Variants in MARCHF8 observed in about 807,000 individuals in gnomAD.
The protein encoded by MARCHF8 is E3 ubiquitin-protein ligase MARCHF8.
In MARCHF8, 40 loss-of-function variants were observed where a neutral mutation model predicts 51.6. The observed-to-expected ratio is 0.77, with a 90% CI of 0.60 to 1.01. The LOEUF is 1.01. Among genes scored for constraint, MARCHF8 ranks in the 50% least tolerant of loss-of-function variants. MARCHF8 has a pLI of 0.00. For synonymous variants in MARCHF8, 263 were observed against 280.3 expected (o/e 0.94, Z 0.62); for missense variants, 685 against 708.6 (o/e 0.97, Z 0.38).
chr10:45,482,973 C>A (rs188375981), intron 3 of MARCHF8, among the ~76,000 whole-genome samples: 18 of 152,242 alleles, frequency 1.2e-4, no homozygotes, highest in African/African-American at 4.1e-4. Context: ...TCTCTCTCAT[C>A]GCATACAAAA....
chr10:45,553,689 T>C (rs1257181592), intron 1 of MARCHF8, among the ~76,000 whole-genome samples: 3 of 152,170 alleles, frequency 2.0e-5, no homozygotes, highest in Non-Finnish European at 2.9e-5. Context: ...GCATGACAAA[T>C]GTCTCTATAT....
At chr10:45,528,788 T>G (rs1226562022) in intron 2 of MARCHF8, among the ~76,000 whole-genome samples, 1 of 152,140 alleles carries the variant, frequency 6.6e-6, no homozygotes, top group Non-Finnish European at 1.5e-5. Flanking sequence ...CAACCAAGGA[T>G]GTGAAAGATC....
chr10:45,466,007 G>T (rs1292542982), intron 3 of MARCHF8, among the ~76,000 whole-genome samples: 1 of 152,210 alleles, frequency 6.6e-6, no homozygotes, highest in South Asian at 2.1e-4. Flanking sequence ...ACACTATGCT[G>T]TGACATCCCT....
chr10:45,555,233 G>GA (rs1402707304), intron 1 of MARCHF8, among the ~76,000 whole-genome samples: 5 of 150,930 alleles, frequency 3.3e-5, no homozygotes, highest in Non-Finnish European at 7.4e-5. Context: ...CTTGTCTCAA[G>GA]AAAAAAAGAA....
At chr10:45,547,613 G>A (rs1012144120) in intron 1 of MARCHF8, among the ~76,000 whole-genome samples, 1 of 152,080 alleles carries the variant, frequency 6.6e-6, no homozygotes, top group African/African-American at 2.4e-5. Flanking sequence ...AATATGTAGC[G>A]GTTTTTTTGT....
chr10:45,522,130 A>G (rs2043715691), intron 2 of MARCHF8, among the ~76,000 whole-genome samples: 1 of 152,170 alleles, frequency 6.6e-6, no homozygotes, highest in Admixed American at 6.5e-5. Flanking sequence ...TCAGGGGTTC[A>G]AGGTTCAAAT....
upstream of MARCHF8, among the ~76,000 whole-genome samples, chr10:45,537,630 G>GT (rs1390073910): frequency 6.6e-6 from 1 of 150,508 alleles, no homozygotes; most frequent in Non-Finnish European, 1.5e-5. Flanking sequence ...TCCAGCCTAG[G>GT]TGATACAGTG....
At chr10:45,568,633 C>T (rs1325664806) in intron 1 of MARCHF8, among the ~76,000 whole-genome samples, 1 of 147,926 alleles carries the variant, frequency 6.8e-6, no homozygotes, top group Non-Finnish European at 1.5e-5. Context: ...GCAAGAGAAT[C>T]ACTTGAACCC....
At chr10:45,484,227 T>C (rs1391963318) in intron 3 of MARCHF8, among the ~76,000 whole-genome samples, 1 of 152,230 alleles carries the variant, frequency 6.6e-6, no homozygotes, top group African/African-American at 2.4e-5. Context: ...TTTCAGATAC[T>C]ACACAATGAT....
intron 2 of MARCHF8, among the ~76,000 whole-genome samples, chr10:45,510,611 T>C (rs1300597889): frequency 1.3e-5 from 2 of 152,304 alleles, no homozygotes; most frequent in East Asian, 1.9e-4. Flanking sequence ...AACGTCAAAA[T>C]GCATCAATAT....
intron 1 of MARCHF8, among the ~76,000 whole-genome samples, chr10:45,555,268 A>G (rs988671124): frequency 6.6e-6 from 1 of 151,894 alleles, no homozygotes; most frequent in African/African-American, 2.4e-5. Flanking sequence ...ATTAATAAGA[A>G]TAACTGTGGC....
At position 45,463,325 on chromosome 10, in the gene MARCHF8, T is replaced by C. The variant is rs1468953697; in HGVS notation, c.914A>G (p.Asp305Gly). The C allele has an allele frequency of 1.9e-6, 3 of 1,550,820 alleles. No individual in the cohort carries two copies. The East Asian group carries it at 7.3e-5, about 38-fold the overall frequency. Residue 305 changes from aspartate to glycine, a missense_variant, in exon 5 of 8, where the codon GAC becomes GGC. Transcript: ENST00000453424. ...AAAGACATCGTCGTCTCCCATCTCG[T>C]CAGAGCAGAAGCCCATACTCCCTGC... Reference protein sequence around the residue: ...GLAGSMGFCSDEMGDDDVFED... With the variant: ...GLAGSMGFCSGEMGDDDVFED...
At chr10:45,469,928 T>C (rs947776414) in intron 3 of MARCHF8, among the ~76,000 whole-genome samples, 1 of 148,288 alleles carries the variant, frequency 6.7e-6, no homozygotes, top group Non-Finnish European at 1.5e-5. Flanking sequence ...TCAAAGTCAC[T>C]TGAAAGTCAC....
In MARCHF8 at chr10:45,524,803, T is replaced by C. The variant is rs545042917; in HGVS notation, c.102+8307A>G. On this transcript the variant is annotated intron_variant, in intron 2 of 7. Coordinates refer to ENST00000453424, the MANE Select transcript of MARCHF8 (RefSeq NM_001282866.2). ...CTTATACTGTATCTCAAATCTCTGGTAGCCCAAAAAAAAAAGCACAAAACA... is the reference window on the plus strand; with the variant it reads ...CTTATACTGTATCTCAAATCTCTGGCAGCCCAAAAAAAAAAGCACAAAACA... Among the ~76,000 whole-genome samples, 36 of 151,878 alleles carry C rather than the reference T, an allele frequency of 2.4e-4. No homozygotes were observed. The South Asian group carries it at 6.8e-3, about 29-fold the overall frequency.
At chr10:45,552,013 T>C (rs2044201376) in intron 1 of MARCHF8, among the ~76,000 whole-genome samples, 1 of 152,172 alleles carries the variant, frequency 6.6e-6, no homozygotes, top group Non-Finnish European at 1.5e-5. Context: ...TTTTTGGCAA[T>C]TCCTACAGTC....
chr10:45,486,787 G>A (rs971456139), intron 3 of MARCHF8, among the ~76,000 whole-genome samples: 1 of 149,470 alleles, frequency 6.7e-6, no homozygotes, highest in Admixed American at 6.7e-5. Flanking sequence ...AACCCTGAAG[G>A]TTGTATTATT....
At chr10:45,535,670 T>C (rs1034998367), upstream of MARCHF8, among the ~76,000 whole-genome samples, 13 of 152,350 alleles carry the variant, frequency 8.5e-5, no homozygotes, top group African/African-American at 2.9e-4. Flanking sequence ...GGCCATGCCA[T>C]TTTTTATGTG....
At chr10:45,460,302 G>A (rs1015081818) in intron 6 of MARCHF8, among the ~76,000 whole-genome samples, 2 of 152,138 alleles carry the variant, frequency 1.3e-5, no homozygotes, top group African/African-American at 2.4e-5. Flanking sequence ...TCCACAGACA[G>A]CCTGACCTCT....
upstream of MARCHF8, among the ~76,000 whole-genome samples, chr10:45,536,230 G>C (rs1419874929): frequency 2.0e-5 from 3 of 151,900 alleles, no homozygotes; most frequent in African/African-American, 4.8e-5. Context: ...TAGAATTTAG[G>C]GCCCAGAAAT....
Sources: allele counts gnomAD v4.1 joint callset (sites outside exome capture counted in the v4.1 genomes callset), GRCh38; gene constraint gnomAD v4.1.1; transcripts MANE v1.5; gene names NCBI Gene and HGNC (gene_info 2026-07-23, HGNC 2026-07-21).